Variants in PKNOX2 observed in about 807,000 individuals in gnomAD.
The protein encoded by PKNOX2 is homeobox protein PKNOX2.
A neutral mutation model predicts 53.1 loss-of-function variants in PKNOX2; 14 were observed. The ratio of observed to expected loss-of-function variants is 0.26; its 90% CI spans 0.17 to 0.41. The LOEUF (loss-of-function observed/expected upper bound fraction) is 0.41. Ranked by LOEUF, PKNOX2 falls within the 10% of genes least tolerant of loss-of-function variation. The probability of loss-of-function intolerance (pLI) is 1.00; values close to 1 mark genes in which losing one functional copy is unlikely to be tolerated. For missense variants in PKNOX2, 496 were observed against 602.8 expected (o/e 0.82, Z 1.85); for synonymous variants, 257 against 242.8 (o/e 1.06, Z -0.54).
At chr11:125,431,132 C>T in intron 12 of PKNOX2, 34 bp from the exon 13 acceptor site, 2 of 1,603,636 alleles carry the variant, frequency 1.2e-6, no homozygotes, top group East Asian at 2.2e-5. Context: ...ACCAGCAGCC[C>T]CTGCCTCGTC....
chr11:125,210,903 C>T (rs965049305), intron 1 of PKNOX2, among the ~76,000 whole-genome samples: 1 of 152,072 alleles, frequency 6.6e-6, no homozygotes, highest in Non-Finnish European at 1.5e-5. Context: ...GGGTTGAAAC[C>T]TCCTTTCTAT....
intron 5 of PKNOX2, among the ~76,000 whole-genome samples, chr11:125,379,222 G>A (rs1354165762): frequency 6.6e-6 from 1 of 151,644 alleles, no homozygotes; most frequent in African/African-American, 2.4e-5. Flanking sequence ...CACCATGTCT[G>A]GCTAATTTTT....
Position 125,385,701 on chromosome 11 carries a change from T to A in PKNOX2, c.378T>A (p.Asp126Glu). The stretch of plus-strand genomic sequence containing the variant: ...AGGAGCACAAACCCTTCTTCAGCGA[T>A]GACCCAGAACTGGACAATCTGGTAA... ...QEQEHKPFFSDDPELDNLMVK... is the reference protein window; with the variant it reads ...QEQEHKPFFSEDPELDNLMVK... Residue 126 changes from aspartate (D) to glutamate (E), a missense_variant, in exon 6 of 13, where the codon GAT becomes GAA. Around this residue, in one of 5 missense-constraint regions of PKNOX2, gnomAD observed 168 missense variants for 178.4 expected, o/e 0.94. Transcript: ENST00000298282. 1 of 1,613,828 alleles carries A rather than the reference T, an allele frequency of 6.2e-7. No individual in the cohort carries two copies. Among genetic ancestry groups the A allele is most frequent in the South Asian group, 1.1e-5 (1 of 90,960 alleles).
chr11:125,254,852 T>C (rs1243482449), intron 2 of PKNOX2, among the ~76,000 whole-genome samples: 1 of 152,100 alleles, frequency 6.6e-6, no homozygotes, highest in Non-Finnish European at 1.5e-5. Context: ...AAACAGCAGA[T>C]GGGGATGGCA....
chr11:125,256,383 A>G (rs1053678492), intron 2 of PKNOX2, among the ~76,000 whole-genome samples: 1 of 152,242 alleles, frequency 6.6e-6, no homozygotes, highest in East Asian at 1.9e-4. Flanking sequence ...CTTCAGAATC[A>G]AGTATCCTCC....
intron 1 of PKNOX2, among the ~76,000 whole-genome samples, chr11:125,170,842 C>T (rs1955247025): frequency 6.9e-6 from 1 of 145,206 alleles, no homozygotes; most frequent in Non-Finnish European, 1.5e-5. Flanking sequence ...CCCTGGGGCC[C>T]AGAGCAGACT....
chr11:125,208,421 G>A lies in PKNOX2; in HGVS notation c.-200-26624G>A, dbSNP rs373757970. On this transcript the variant is annotated intron_variant, in intron 1 of 12. Transcript: ENST00000298282. The stretch of plus-strand genomic sequence containing the variant: ...CCACAAGGAGCCATTGCAAGTTTTT[G>A]ATATAAGGAGTAACAAGAGAAGACT... Among the ~76,000 whole-genome samples the A allele has an allele frequency of 6.6e-5, 10 of 152,188 alleles. No homozygotes were observed. The South Asian group carries it at 2.1e-3, about 32-fold the overall frequency.
At chr11:125,252,970 C>T (rs1402602613) in intron 2 of PKNOX2, among the ~76,000 whole-genome samples, 1 of 152,228 alleles carries the variant, frequency 6.6e-6, no homozygotes, top group Non-Finnish European at 1.5e-5. Flanking sequence ...ATACCAAGGC[C>T]TTCGGCTATT....
intron 2 of PKNOX2, among the ~76,000 whole-genome samples, chr11:125,274,696 T>C: frequency 6.6e-6 from 1 of 152,168 alleles, no homozygotes; most frequent in Non-Finnish European, 1.5e-5. Context: ...CCATGGCCTT[T>C]GTCTACTCTC....
chr11:125,404,849 T>C (rs1002111756), intron 7 of PKNOX2, among the ~76,000 whole-genome samples: 1 of 152,170 alleles, frequency 6.6e-6, no homozygotes, highest in African/African-American at 2.4e-5. Context: ...GTCCAGTATG[T>C]AAGGCAGATG....
intron 5 of PKNOX2, among the ~76,000 whole-genome samples, chr11:125,382,021 G>A (rs999661288): frequency 6.6e-6 from 1 of 152,152 alleles, no homozygotes; most frequent in African/African-American, 2.4e-5. Context: ...CTAGTAGCTG[G>A]GGGACACAGT....
chr11:125,260,846 C>A (rs951130124), intron 2 of PKNOX2, among the ~76,000 whole-genome samples: 12 of 152,162 alleles, frequency 7.9e-5, no homozygotes, highest in Non-Finnish European at 1.3e-4. Context: ...ATGCTAGATT[C>A]TGTGAGAAAC....
chr11:125,226,475 T>C (rs1191695979), intron 1 of PKNOX2, among the ~76,000 whole-genome samples: 1 of 152,166 alleles, frequency 6.6e-6, no homozygotes, highest in Non-Finnish European at 1.5e-5. Context: ...GATGAGGAAG[T>C]TGAGGCCCAG....
At chr11:125,283,715 A>T (rs1946722044) in intron 2 of PKNOX2, among the ~76,000 whole-genome samples, 1 of 152,144 alleles carries the variant, frequency 6.6e-6, no homozygotes, top group Admixed American at 6.5e-5. Flanking sequence ...AAAACTTTTG[A>T]CCCAAGACAA....
chr11:125,242,174 G>A (rs537184576), intron 2 of PKNOX2, among the ~76,000 whole-genome samples: 63 of 152,258 alleles, frequency 4.1e-4, no homozygotes, highest in Admixed American at 2.3e-3. Context: ...GTCTCATTTC[G>A]CACATGCTCA....
chr11:125,316,231 T>C (rs1591525063), intron 2 of PKNOX2, among the ~76,000 whole-genome samples: 2 of 152,196 alleles, frequency 1.3e-5, no homozygotes, highest in African/African-American at 4.8e-5. Flanking sequence ...TGCCCCAATA[T>C]GGACTTATCC....
At chr11:125,253,789 G>A (rs1373494267) in intron 2 of PKNOX2, among the ~76,000 whole-genome samples, 3 of 152,106 alleles carry the variant, frequency 2.0e-5, no homozygotes, top group African/African-American at 4.8e-5. Flanking sequence ...CCTGGAGGTC[G>A]GAGTCAAAGA....
intron 1 of PKNOX2, among the ~76,000 whole-genome samples, chr11:125,185,555 T>C (rs1409257363): frequency 1.4e-5 from 2 of 143,404 alleles, no homozygotes; most frequent in African/African-American, 6.0e-5. Flanking sequence ...ACTTTCTATC[T>C]CTATGAATTT....
rs150636171 is a variant in PKNOX2, at chr11:125,424,961, G to T, written c.937-4051G>T. 5.3e-3 allele frequency among the ~76,000 whole-genome samples: 806 copies of T among 152,278 alleles called. 9 individuals carry two copies. The highest frequency in any genetic ancestry group is 8.5e-3 in the Non-Finnish European group (581 of 68,024). ...TCAGAGAGAGATGGGAAAGAGTTGA[G>T]GTCAGATTTCAGCGGAACTTCCTGG... On this transcript the variant is annotated intron_variant, in intron 10 of 12. Transcript: ENST00000298282.
Sources: allele counts gnomAD v4.1 joint callset (sites outside exome capture counted in the v4.1 genomes callset), GRCh38; gene constraint gnomAD v4.1.1; regional missense constraint gnomAD v4.1.1; transcripts MANE v1.5; gene names NCBI Gene and HGNC (gene_info 2026-07-23, HGNC 2026-07-21).